Variants in TRAPPC9 observed in about 807,000 individuals in gnomAD.
The protein encoded by TRAPPC9 is trafficking protein particle complex subunit 9.
In TRAPPC9, 83 loss-of-function variants were observed where a neutral mutation model predicts 124.0. The observed-to-expected ratio is 0.67, with a 90% CI of 0.56 to 0.80. TRAPPC9 has a LOEUF of 0.80. TRAPPC9 is among the 30% of genes least tolerant of loss of function. The pLI, the probability that TRAPPC9 is intolerant of heterozygous loss-of-function variation, is 0.00. For missense variants in TRAPPC9, 1,302 were observed against 1,508.3 expected (o/e 0.86, Z 2.27); for synonymous variants, 638 against 617.5 (o/e 1.03, Z -0.49).
At chr8:140,093,335 A>C (rs1844698730) in intron 17 of TRAPPC9, among the ~76,000 whole-genome samples, 1 of 152,122 alleles carries the variant, frequency 6.6e-6, no homozygotes, top group Non-Finnish European at 1.5e-5. Flanking sequence ...GCAGATGGTG[A>C]CCTGAAGAAC....
chr8:139,941,443 T>A (rs1379879031), intron 19 of TRAPPC9, among the ~76,000 whole-genome samples: 1 of 152,116 alleles, frequency 6.6e-6, no homozygotes, highest in East Asian at 1.9e-4. Flanking sequence ...GTGCTCTCAG[T>A]TGCAAGACTA....
In TRAPPC9 at chr8:140,241,922, G is replaced by A. The variant is rs548918064; in HGVS notation, c.2431+10855C>T. Among the ~76,000 whole-genome samples the A allele has an allele frequency of 1.8e-4, 27 of 152,262 alleles. No homozygotes were observed. The East Asian group carries it at 2.5e-3, about 14-fold the overall frequency. ...CTGGGAAAGGAGAGAGCACACGGCA[G>A]CTACGTGGGAGACTCAGGGAAGGAT... On this transcript the variant is annotated intron_variant, in intron 16 of 22. Coordinates refer to ENST00000438773, the MANE Select transcript of TRAPPC9 (RefSeq NM_001160372.4). This position sits in a 1 kb window ranked among gnomAD's most constrained non-coding sequence, Gnocchi z 5.0.
intron 17 of TRAPPC9, among the ~76,000 whole-genome samples, chr8:140,197,007 T>C (rs1374655079): frequency 6.6e-6 from 1 of 152,196 alleles, no homozygotes; most frequent in Non-Finnish European, 1.5e-5. Context: ...GCATAGCAAT[T>C]GCCAGGAACA....
At position 139,899,156 on chromosome 8, in the gene TRAPPC9, C is replaced by G. The variant is rs189512168; in HGVS notation, c.2964+10991G>C. Among the ~76,000 whole-genome samples the G allele has an allele frequency of 2.7e-3, 301 of 112,656 alleles. 1 individual carries two copies. The highest frequency in any genetic ancestry group is 9.6e-3 in the African/African-American group (291 of 30,178). 73.9% of individuals were successfully genotyped at this position (112,656 alleles called of 152,430 possible). A position where few individuals can be genotyped will look rare whatever the true frequency, so the allele number is the denominator to read the frequency against. On this transcript the variant is annotated intron_variant, in intron 20 of 22. Coordinates refer to ENST00000438773, the MANE Select transcript of TRAPPC9 (RefSeq NM_001160372.4). ...AAAAAAAAAAAAGAATTTAAAAAAA[C>G]AGAAACAAACAAAAAAGGATATTTA...
At chr8:139,974,911 T>A (rs1163044985) in intron 19 of TRAPPC9, among the ~76,000 whole-genome samples, 3 of 152,014 alleles carry the variant, frequency 2.0e-5, no homozygotes, top group Non-Finnish European at 4.4e-5. Context: ...CGAGGGCACC[T>A]CCACAGGCCA....
intron 17 of TRAPPC9, among the ~76,000 whole-genome samples, chr8:140,130,407 T>C (rs1336643468): frequency 6.6e-6 from 1 of 152,170 alleles, no homozygotes; most frequent in African/African-American, 2.4e-5. Flanking sequence ...GATGGGAACA[T>C]GGCATCATTC....
chr8:139,870,244 C>T (rs1828813993), intron 21 of TRAPPC9, among the ~76,000 whole-genome samples: 2 of 152,206 alleles, frequency 1.3e-5, no homozygotes, highest in South Asian at 4.1e-4. Context: ...ATGCCGCACT[C>T]ACCTTAGTAT....
intron 16 of TRAPPC9, among the ~76,000 whole-genome samples, chr8:140,233,752 GAAA>G (rs549304468): frequency 8.9e-6 from 1 of 111,890 alleles, no homozygotes; most frequent in Non-Finnish European, 1.7e-5. Context: ...CACATTAAAA[GAAA>G]AAAAAAAAAA....
At chr8:140,380,307 A>G (rs1384395893) in intron 7 of TRAPPC9, among the ~76,000 whole-genome samples, 2 of 152,236 alleles carry the variant, frequency 1.3e-5, no homozygotes, top group Non-Finnish European at 2.9e-5. Context: ...CAATGGGGAA[A>G]GAATTGTCTT....
At position 140,340,411 on chromosome 8, in the gene TRAPPC9, T is replaced by A. The variant is rs554941076; in HGVS notation, c.1495+19639A>T. 2.0e-5 allele frequency among the ~76,000 whole-genome samples: 3 copies of A among 152,176 alleles called. No homozygotes were observed. The East Asian group carries it at 5.8e-4, about 29-fold the overall frequency. ...TAACTTAGAGACCTAAGTAAAAATATGTAGGTCTCTTAAGTTAGAAAGAAC... is the reference window on the plus strand; with the variant it reads ...TAACTTAGAGACCTAAGTAAAAATAAGTAGGTCTCTTAAGTTAGAAAGAAC... On this transcript the variant is annotated intron_variant, in intron 9 of 22. Transcript: ENST00000438773.
chr8:139,932,444 G>A, intron 19 of TRAPPC9: 1 of 457,822 alleles, frequency 2.2e-6, no homozygotes, highest in South Asian at 1.5e-5. Context: ...ACAAGATGTT[G>A]GCTGACCTGA....
At chr8:140,033,219 G>A (rs1026093943) in intron 17 of TRAPPC9, among the ~76,000 whole-genome samples, 4 of 152,090 alleles carry the variant, frequency 2.6e-5, no homozygotes, top group Admixed American at 2.0e-4. Flanking sequence ...TACTGCACTG[G>A]CCAGGACTAG....
At chr8:139,935,375 C>G (rs746329007) in intron 19 of TRAPPC9, among the ~76,000 whole-genome samples, 10 of 152,216 alleles carry the variant, frequency 6.6e-5, no homozygotes, top group Non-Finnish European at 1.5e-4. Flanking sequence ...TTCCTCACCT[C>G]TCTGGGTCTC....
At chr8:140,274,925 T>C (rs975681981) in intron 15 of TRAPPC9, among the ~76,000 whole-genome samples, 1 of 152,210 alleles carries the variant, frequency 6.6e-6, no homozygotes, top group Non-Finnish European at 1.5e-5. Flanking sequence ...TAACTTGCTT[T>C]CCCTTTTTCA....
At chr8:140,021,611 A>C (rs1054272841) in intron 18 of TRAPPC9, among the ~76,000 whole-genome samples, 5 of 152,196 alleles carry the variant, frequency 3.3e-5, no homozygotes, top group Non-Finnish European at 4.4e-5. Flanking sequence ...AGCTTATATC[A>C]GGGTAGTAAA....
chr8:139,982,996 C>T (rs1253656012), intron 19 of TRAPPC9, among the ~76,000 whole-genome samples: 1 of 152,184 alleles, frequency 6.6e-6, no homozygotes, highest in Non-Finnish European at 1.5e-5. Context: ...ATGTTTATGC[C>T]CCACAAAATC....
At chr8:140,446,668 C>T (rs1041693496) in intron 2 of TRAPPC9, among the ~76,000 whole-genome samples, 3 of 152,156 alleles carry the variant, frequency 2.0e-5, no homozygotes, top group African/African-American at 7.2e-5. Flanking sequence ...ATTCTCTTGC[C>T]TCAGCCTCTC....
At chr8:139,879,988 C>T (rs940339018) in intron 21 of TRAPPC9, among the ~76,000 whole-genome samples, 36 of 152,152 alleles carry the variant, frequency 2.4e-4, no homozygotes, top group African/African-American at 7.7e-4. Context: ...ATGGGGTCCG[C>T]GTCTGCTTGT....
chr8:140,022,830 T>C (rs1011540068), intron 18 of TRAPPC9, among the ~76,000 whole-genome samples: 1 of 152,224 alleles, frequency 6.6e-6, no homozygotes, highest in Non-Finnish European at 1.5e-5. Context: ...TGAAATGTGA[T>C]GCTAAAAGGC....
Sources: gnomAD v4.1 joint callset for allele counts (sites outside exome capture counted in the v4.1 genomes callset) on GRCh38, gnomAD v4.1.1 for gene constraint, Gnocchi (gnomAD v3.1) non-coding constraint, MANE v1.5 for transcripts, NCBI Gene and HGNC (gene_info 2026-07-23, HGNC 2026-07-21) for gene names.